Variants in RP1 observed in about 807,000 individuals in gnomAD.
The protein encoded by RP1 is oxygen-regulated protein 1.
In RP1, 16 loss-of-function variants were observed where a neutral mutation model predicts 14.8. The ratio of observed to expected loss-of-function variants is 1.08; its 90% confidence interval spans 0.73 to 1.65. RP1 has a LOEUF of 1.65. Ranked by LOEUF, RP1 falls within the 40% of genes most tolerant of loss-of-function variation. The pLI, the probability that RP1 is intolerant of heterozygous loss-of-function variation, is 0.00. For synonymous variants in RP1, 876 were observed against 883.6 expected (o/e 0.99, Z 0.15); for missense variants, 2,631 against 2,535.0 (o/e 1.04, Z -0.81).
At chr8:54,707,024 G>A (rs895979465) in intron 15 of RP1, among the ~76,000 whole-genome samples, 1 of 152,180 alleles carries the variant, frequency 6.6e-6, no homozygotes, top group Admixed American at 6.5e-5. Flanking sequence ...GTTCTAGAAA[G>A]GCCAGCTCAA....
intron 3 of RP1, among the ~76,000 whole-genome samples, chr8:54,640,415 G>A (rs895644271): frequency 6.6e-6 from 1 of 152,028 alleles, no homozygotes; most frequent in African/African-American, 2.4e-5. Flanking sequence ...TTCCAACTTT[G>A]TTCTCTTTCA....
At chr8:54,701,314 T>C (rs1207312274) in intron 13 of RP1, among the ~76,000 whole-genome samples, 4 of 152,182 alleles carry the variant, frequency 2.6e-5, no homozygotes, top group African/African-American at 7.2e-5. Context: ...AGCAAGTCAT[T>C]GGAATTAAGT....
rs775267711 is a variant in RP1, at chr8:54,624,679, A to G, written c.797A>G (p.His266Arg). 2.5e-6 allele frequency: 4 copies of G among 1,613,722 alleles called. No individual in the cohort carries two copies. Among genetic ancestry groups the G allele is most frequent in the African/African-American group, 2.7e-5 (2 of 74,886 alleles). The stretch of plus-strand genomic sequence containing the variant: ...CTTAAAATCTTTAAAGTAAGCACAC[A>G]TATGTCTTCAAGCTCAAGGTCCCAG... ...AKSESRKIST[H>R]MSSSSRSQIY... The change falls in exon 4 of 4, where the codon CAT (histidine) becomes CGT (arginine). Residue 266 changes from histidine to arginine, a missense_variant. Coordinates refer to ENST00000220676, the MANE Select transcript of RP1 (RefSeq NM_006269.2).
chr8:54,743,333 C>T (rs1809145820), intron 19 of RP1, among the ~76,000 whole-genome samples: 2 of 152,098 alleles, frequency 1.3e-5, no homozygotes, highest in Admixed American at 6.6e-5. Flanking sequence ...ATCGTATTCA[C>T]CATAAAATTT....
intron 1 of RP1, among the ~76,000 whole-genome samples, chr8:54,581,433 C>A (rs1250285505): frequency 2.0e-5 from 3 of 152,184 alleles, no homozygotes; most frequent in African/African-American, 7.2e-5. Context: ...GGTTCCAAGT[C>A]TTTGCTATTG....
chr8:54,638,880 T>TTCTCTCTCTCTCTC (rs56712955), intron 3 of RP1, among the ~76,000 whole-genome samples: 6 of 120,292 alleles, frequency 5.0e-5, no homozygotes, highest in African/African-American at 2.1e-4. Flanking sequence ...TTTAATTTTC[T>TTCTCTCTCTCTCTC]TCTCTCTCTC....
chr8:54,836,976 G>A (rs1180506692), intron 24 of RP1, among the ~76,000 whole-genome samples: 2 of 152,194 alleles, frequency 1.3e-5, no homozygotes, highest in East Asian at 1.9e-4. Flanking sequence ...TCTGGGGGGT[G>A]CAAAGGAATA....
chr8:54,844,919 T>C (rs1811878648), intron 25 of RP1, among the ~76,000 whole-genome samples: 1 of 152,094 alleles, frequency 6.6e-6, no homozygotes, highest in South Asian at 2.1e-4. Context: ...AAATGAATTC[T>C]CTTAGGGGGA....
At chr8:54,809,031 A>G (rs1453849073) in intron 24 of RP1, among the ~76,000 whole-genome samples, 2 of 152,240 alleles carry the variant, frequency 1.3e-5, no homozygotes, top group African/African-American at 2.4e-5. Flanking sequence ...AAGTATTTGA[A>G]TAGTTGTAGT....
intron 12 of RP1, among the ~76,000 whole-genome samples, chr8:54,699,048 A>G (rs999281124): frequency 3.3e-5 from 5 of 151,918 alleles, no homozygotes; most frequent in African/African-American, 1.2e-4. Context: ...AAAATAAAAG[A>G]AAGTTTAACT....
At chr8:54,750,470 C>T (rs1809333348) in intron 19 of RP1, among the ~76,000 whole-genome samples, 1 of 152,206 alleles carries the variant, frequency 6.6e-6, no homozygotes, top group Non-Finnish European at 1.5e-5. Context: ...TGAAATCAAG[C>T]TCTTTTACAA....
chr8:54,604,046 T>A (rs7835478), intron 1 of RP1, among the ~76,000 whole-genome samples: 43,677 of 151,862 alleles, frequency 0.29, 7,660 homozygotes, highest in Middle Eastern at 0.48. Flanking sequence ...TCCTGCCTGA[T>A]TGCCCTGGCC....
intron 12 of RP1, among the ~76,000 whole-genome samples, chr8:54,694,972 C>T (rs998428758): frequency 1.8e-4 from 27 of 151,912 alleles, no homozygotes; most frequent in Non-Finnish European, 3.7e-4. Flanking sequence ...TATAAATTTC[C>T]CTCTACACAC....
At chr8:54,684,227 C>T (rs763806253) in intron 12 of RP1, among the ~76,000 whole-genome samples, 14 of 151,996 alleles carry the variant, frequency 9.2e-5, no homozygotes, top group South Asian at 2.1e-4. Flanking sequence ...ATTTTATTGA[C>T]GATTTTTGCA....
In RP1 at chr8:54,626,318, T is replaced by C; in HGVS notation, c.2436T>C (p.Ser812=). ...ACAATGAATCTAAATATTGCAAAAG[T>C]ACTTTTGAAAACAAAAGTTTATTTC... ...FPHNESKYCK[S]TFENKSLFHV... The change falls in exon 4 of 4, where the codon AGT becomes AGC. Residue 812 remains serine (S), a synonymous_variant. Coordinates refer to ENST00000220676, the MANE Select transcript of RP1 (RefSeq NM_006269.2). 6.2e-7 allele frequency: 1 copy of C among 1,613,422 alleles called. No homozygotes were observed.
chr8:54,754,205 C>A (rs1164308682), intron 19 of RP1, among the ~76,000 whole-genome samples: 1 of 152,104 alleles, frequency 6.6e-6, no homozygotes, highest in Admixed American at 6.5e-5. Context: ...TCTGTGGCAA[C>A]TGGGGGTTTA....
intron 12 of RP1, among the ~76,000 whole-genome samples, chr8:54,698,933 A>G (rs1807941742): frequency 6.6e-6 from 1 of 152,158 alleles, no homozygotes. Context: ...GAAATACCTA[A>G]TGTAAATGAT....
intron 25 of RP1, among the ~76,000 whole-genome samples, chr8:54,843,351 G>C (rs1811834884): frequency 6.6e-6 from 1 of 152,132 alleles, no homozygotes; most frequent in South Asian, 2.1e-4. Flanking sequence ...CAAAAGGCTG[G>C]GATTACAGGT....
chr8:54,711,458 G>T (rs776295596), intron 15 of RP1, among the ~76,000 whole-genome samples: 2 of 152,216 alleles, frequency 1.3e-5, no homozygotes, highest in Admixed American at 6.5e-5. Flanking sequence ...TCATAGGAAA[G>T]TGTGGCACTG....
Sources: gnomAD v4.1 joint callset for allele counts (sites outside exome capture counted in the v4.1 genomes callset) on GRCh38, gnomAD v4.1.1 for gene constraint, MANE v1.5 for transcripts, NCBI Gene and HGNC (gene_info 2026-07-23, HGNC 2026-07-21) for gene names.